Variants in GCGR observed in about 807,000 individuals in gnomAD.
The protein encoded by GCGR is glucagon receptor.
Under a neutral mutation model 56.1 loss-of-function variants are expected in GCGR, and 41 were observed. The observed-to-expected ratio is 0.73, with a 90% CI of 0.57 to 0.95. The LOEUF (loss-of-function observed/expected upper bound fraction) is 0.95. Among genes scored for constraint, GCGR ranks in the 40% least tolerant of loss-of-function variants. The pLI is 0.00. For missense variants in GCGR, 595 were observed against 638.2 expected (o/e 0.93, Z 0.73); for synonymous variants, 278 against 271.1 (o/e 1.03, Z -0.25).
At chr17:81,809,931 C>T (rs1471379342) in intron 3 of GCGR, 47 bp downstream of exon 3, 1 of 1,365,052 alleles carries the variant, frequency 7.3e-7, no homozygotes, top group Admixed American at 2.0e-5. Flanking sequence ...GGCCTCAGCA[C>T]TTCCTGAGTT....
chr17:81,809,759 T>C (rs1317126238), intron 2 of GCGR, 23 bp from the exon 3 acceptor site: 5 of 1,436,720 alleles, frequency 3.5e-6, no homozygotes, highest in South Asian at 2.4e-5. Context: ...GTCTGTCTGG[T>C]TGCTTGTGCA....
chr17:81,807,533 G>A (rs920735881), intron 1 of GCGR, among the ~76,000 whole-genome samples: 10 of 152,246 alleles, frequency 6.6e-5, no homozygotes, highest in African/African-American at 1.2e-4. Context: ...AGGCCTGCCC[G>A]GAAACCCTCT....
In GCGR at chr17:81,804,555, G is replaced by A. The variant is rs1022932112; in HGVS notation, c.-178+306G>A. On this transcript the variant is annotated intron_variant, in intron 1 of 13. Transcript: ENST00000400723. This position sits in a 1 kb window ranked among gnomAD's most constrained non-coding sequence, Gnocchi z 8.2. ...GCTGGCCGCCTGGCGCCCTGCGGCG[G>A]CCACACTGCAGCGGCCACACTCCCC... 6.6e-6 allele frequency among the ~76,000 whole-genome samples: 1 copy of A among 151,734 alleles called. No individual in the cohort carries two copies. Among genetic ancestry groups the A allele is most frequent in the African/African-American group, 2.4e-5 (1 of 41,332 alleles).
chr17:81,806,208 A>G lies in GCGR; in HGVS notation c.-178+1959A>G, dbSNP rs1308016734. On this transcript the variant is annotated intron_variant, in intron 1 of 13. Transcript: ENST00000400723. The surrounding 1 kb of genome is among the most constrained non-coding windows in gnomAD (Gnocchi z 6.5). Reference sequence around the variant, plus strand: ...GTGAGGAGCTGGAGTCTCCCTACCCATATGGGACCCACCACCCGCAGGGAA... The same window carrying G: ...GTGAGGAGCTGGAGTCTCCCTACCCGTATGGGACCCACCACCCGCAGGGAA... 6.6e-6 allele frequency among the ~76,000 whole-genome samples: 1 copy of G among 151,676 alleles called. No homozygotes were observed. The highest frequency in any genetic ancestry group is 1.5e-5 in the Non-Finnish European group (1 of 67,860).
chr17:81,810,431 T>C lies in GCGR; in HGVS notation c.164-394T>C, dbSNP rs2038068980. ...GATGTGGCAGCCACAGGTTTGGCGA[T>C]GCACCTGGGAAGGATGAAAATGGCA... On this transcript the variant is annotated intron_variant, in intron 3 of 13. Transcript: ENST00000400723. This position sits in a 1 kb window ranked among gnomAD's most constrained non-coding sequence, Gnocchi z 4.6. The C allele has an allele frequency of 1.7e-5, 6 of 347,824 alleles. No individual in the cohort carries two copies. The highest frequency in any genetic ancestry group is 1.4e-4 in the South Asian group (5 of 35,454). 21.5% of individuals were successfully genotyped at this position (347,824 alleles called of 1,614,324 possible).
intron 2 of GCGR, 72 bp from the exon 3 acceptor site, chr17:81,809,710 C>T (rs2038052490): frequency 1.7e-6 from 2 of 1,199,922 alleles, no homozygotes; most frequent in South Asian, 1.3e-5. Context: ...TGCCTGTCTG[C>T]CTGTCTGTCT....
At chr17:81,809,680 T>TGCC in intron 2 of GCGR, 102 bp from the exon 3 acceptor site, 1 of 840,324 alleles carries the variant, frequency 1.2e-6, no homozygotes, top group Non-Finnish European at 1.9e-6. Flanking sequence ...TCTGTCCATC[T>TGCC]GCCTATCCAT....
rs1409533763 is a variant in GCGR, at chr17:81,813,935, C to T, written c.*246C>T. 1.8e-6 allele frequency: 1 copy of T among 563,882 alleles called. No individual in the cohort carries two copies. Among genetic ancestry groups the T allele is most frequent in the African/African-American group, 1.9e-5 (1 of 53,338 alleles). 34.9% of individuals were successfully genotyped at this position (563,882 alleles called of 1,614,324 possible). A position where few individuals can be genotyped will look rare whatever the true frequency, so the allele number is the denominator to read the frequency against. On this transcript the variant is annotated 3_prime_UTR_variant, in exon 14 of 14. Coordinates refer to ENST00000400723, the MANE Select transcript of GCGR (RefSeq NM_000160.5). The surrounding 1 kb of genome is among the most constrained non-coding windows in gnomAD (Gnocchi z 5.3). ...GGGGGCTGTGCCGTGAACTGCGTGC[C>T]AGTGTCCCCACGTATGTCGGCACGT...
chr17:81,808,122 CCT>C (rs1466679794), intron 1 of GCGR, among the ~76,000 whole-genome samples: 5 of 152,258 alleles, frequency 3.3e-5, no homozygotes, highest in East Asian at 3.8e-4. Context: ...GACACAGACC[CCT>C]GAGTGTGGGC....
At position 81,811,208 on chromosome 17, in the gene GCGR, A is replaced by T; in HGVS notation, c.394-14A>T. The T allele has an allele frequency of 6.5e-7, 1 of 1,536,146 alleles. No individual in the cohort carries two copies. Among genetic ancestry groups the T allele is most frequent in the Non-Finnish European group, 8.7e-7 (1 of 1,146,790 alleles). ...GGCCCCTGCCTGGCCCTCACAGGCCACTGTAACTCGCAGAAGGAGGTGGCC... is the reference window on the plus strand; with the variant it reads ...GGCCCCTGCCTGGCCCTCACAGGCCTCTGTAACTCGCAGAAGGAGGTGGCC... On this transcript the variant is annotated splice_polypyrimidine_tract_variant and intron_variant, in intron 5 of 13. Coordinates refer to ENST00000400723, the MANE Select transcript of GCGR (RefSeq NM_000160.5). This position sits in a 1 kb window ranked among gnomAD's most constrained non-coding sequence, Gnocchi z 5.8.
At position 81,813,570 on chromosome 17, in the gene GCGR, C is replaced by T; in HGVS notation, c.1315C>T (p.Pro439Ser). ...NTSNHRASSS[P>S]GHGPPSKELQ... ...CAGCAACCACAGGGCCTCATCTTCG[C>T]CCGGCCACGGCCCTCCCAGCAAGGA... The change falls in exon 14 of 14, where the codon CCC becomes TCC. Residue 439 changes from proline (P) to serine (S), a missense_variant. By Grantham distance (74) the Pro-to-Ser change is moderately conservative (BLOSUM62 -1). Transcript: ENST00000400723. The surrounding 1 kb of genome is among the most constrained non-coding windows in gnomAD (Gnocchi z 5.3). 1 of 1,536,462 alleles carries T rather than the reference C, an allele frequency of 6.5e-7. No homozygotes were observed. The highest frequency in any genetic ancestry group is 8.7e-7 in the Non-Finnish European group (1 of 1,146,846).
At position 81,813,989 on chromosome 17, in the gene GCGR, A is replaced by C; in HGVS notation, c.*300A>C. 2.3e-6 allele frequency: 1 copy of C among 435,352 alleles called. No homozygotes were observed. Among genetic ancestry groups the C allele is most frequent in the Non-Finnish European group, 4.2e-6 (1 of 237,770 alleles). 27.0% of individuals were successfully genotyped at this position (435,352 alleles called of 1,614,324 possible). A position where few individuals can be genotyped will look rare whatever the true frequency, so the allele number is the denominator to read the frequency against. On this transcript the variant is annotated 3_prime_UTR_variant, in exon 14 of 14. Transcript: ENST00000400723. This position sits in a 1 kb window ranked among gnomAD's most constrained non-coding sequence, Gnocchi z 5.3. ...ATGTGCATGGAAATGTCCTCCAACAATAAAGAGCTCAAGTGGTCACCGTGC... is the reference window on the plus strand; with the variant it reads ...ATGTGCATGGAAATGTCCTCCAACACTAAAGAGCTCAAGTGGTCACCGTGC...
chr17:81,810,599 G>A lies in GCGR; in HGVS notation c.164-226G>A, dbSNP rs1404323158. On this transcript the variant is annotated intron_variant, in intron 3 of 13. Coordinates refer to ENST00000400723, the MANE Select transcript of GCGR (RefSeq NM_000160.5). The surrounding 1 kb of genome is among the most constrained non-coding windows in gnomAD (Gnocchi z 4.6). ...GAGCTGCAATTCAGGGCTGGGCTGGGCGTGCTAGCGGAGGCTGGTCCAGGG... is the reference window on the plus strand; with the variant it reads ...GAGCTGCAATTCAGGGCTGGGCTGGACGTGCTAGCGGAGGCTGGTCCAGGG... Among the ~76,000 whole-genome samples the A allele has an allele frequency of 2.0e-5, 3 of 152,108 alleles. No individual in the cohort carries two copies. Among genetic ancestry groups the A allele is most frequent in the African/African-American group, 7.2e-5 (3 of 41,418 alleles).
chr17:81,813,403 C>A lies in GCGR; in HGVS notation c.1219-71C>A. The A allele has an allele frequency of 7.1e-7, 1 of 1,411,246 alleles. No individual in the cohort carries two copies. Among genetic ancestry groups the A allele is most frequent in the Admixed American group, 2.0e-5 (1 of 48,912 alleles). The allele number at this position is 1,411,246 out of a possible 1,614,324, so 87.4% of individuals were successfully genotyped here. A position where few individuals can be genotyped will look rare whatever the true frequency, so the allele number is the denominator to read the frequency against. ...GAGACTGGGCATCTCCGATGAGGCC[C>A]ACAGCAGGTCCCGGTGGGGTGGAGA... is the stretch of plus-strand genomic sequence containing the variant. On this transcript the variant is annotated intron_variant, in intron 13 of 13. Transcript: ENST00000400723. The surrounding 1 kb of genome is among the most constrained non-coding windows in gnomAD (Gnocchi z 5.3).
Position 81,813,664 on chromosome 17 carries a change from C to A in GCGR, c.1409C>A (p.Pro470His), listed in dbSNP as rs2143150279. Reference sequence around the variant, plus strand: ...GAGACCCCCTTGGCTGGTGGCCTCCCTAGATTGGCTGAGAGCCCCTTCTGA... The same window carrying A: ...GAGACCCCCTTGGCTGGTGGCCTCCATAGATTGGCTGAGAGCCCCTTCTGA... ...SAETPLAGGL[P>H]RLAESPF The change falls in exon 14 of 14, where the codon CCT becomes CAT. Residue 470 changes from proline to histidine, a missense_variant. Pro to His is a moderately conservative substitution (Grantham distance 77, BLOSUM62 -2). Transcript: ENST00000400723. This position sits in a 1 kb window ranked among gnomAD's most constrained non-coding sequence, Gnocchi z 5.3. 1 of 1,535,670 alleles carries A rather than the reference C, an allele frequency of 6.5e-7. No individual in the cohort carries two copies. The highest frequency in any genetic ancestry group is 1.2e-5 in the South Asian group (1 of 84,028).
chr17:81,811,016 A>C lies in GCGR; in HGVS notation c.278A>C (p.His93Pro), dbSNP rs1164994335. The change falls in exon 5 of 14, where the codon CAC (histidine) becomes CCC (proline). Residue 93 changes from histidine (H) to proline (P), a missense_variant. Coordinates refer to ENST00000400723, the MANE Select transcript of GCGR (RefSeq NM_000160.5). The surrounding 1 kb of genome is among the most constrained non-coding windows in gnomAD (Gnocchi z 5.8). ...CCTCCCCCCACACCCCCAGTGCAACACCGCTTCGTGTTCAAGAGATGCGGG... is the reference window on the plus strand; with the variant it reads ...CCTCCCCCCACACCCCCAGTGCAACCCCGCTTCGTGTTCAAGAGATGCGGG... ...WYLPWHHKVQ[H>P]RFVFKRCGPD... 6.5e-7 allele frequency: 1 copy of C among 1,535,760 alleles called. No individual in the cohort carries two copies. Among genetic ancestry groups the C allele is most frequent in the Non-Finnish European group, 8.7e-7 (1 of 1,146,780 alleles).
rs2037899977 is a variant in GCGR at position 81,804,335 on chromosome 17, G to T, written c.-178+86G>T. Reference sequence around the variant, plus strand: ...ACCGCGGGGCGGGCGCGGCGGGGCCGGGGGCGCGGGGAGCGGGGAGCCGGC... The same window carrying T: ...ACCGCGGGGCGGGCGCGGCGGGGCCTGGGGCGCGGGGAGCGGGGAGCCGGC... On this transcript the variant is annotated intron_variant, in intron 1 of 13. Transcript: ENST00000400723. This position sits in a 1 kb window ranked among gnomAD's most constrained non-coding sequence, Gnocchi z 8.2. 6.6e-6 allele frequency: 1 copy of T among 152,060 alleles called. No homozygotes were observed. The highest frequency in any genetic ancestry group is 1.8e-4 in the South Asian group (1 of 5,544). 9.4% of individuals were successfully genotyped at this position (152,060 alleles called of 1,614,324 possible).
rs2038133514 is a variant in GCGR at position 81,812,916 on chromosome 17, T to C, written c.1147T>C (p.Phe383Leu). 3 of 1,536,052 alleles carry C rather than the reference T, an allele frequency of 2.0e-6. No homozygotes were observed. The Admixed American group carries it at 5.9e-5, about 30-fold the overall frequency. Residue 383 changes from phenylalanine to leucine, a missense_variant, in exon 12 of 14, where the codon TTC becomes CTC. Coordinates refer to ENST00000400723, the MANE Select transcript of GCGR (RefSeq NM_000160.5). The surrounding 1 kb of genome is among the most constrained non-coding windows in gnomAD (Gnocchi z 8.5). ...AQGTLRSAKLFFDLFLSSFQG... is the reference protein window; with the variant it reads ...AQGTLRSAKLLFDLFLSSFQG... ...GGGCACCCTGCGCTCCGCCAAGCTC[T>C]TCTTCGACCTCTTCCTCAGCTCCTT... is the stretch of plus-strand genomic sequence containing the variant.
Position 81,809,233 on chromosome 17 carries a change from CGTCT to C in GCGR, c.60+163_60+166del, listed in dbSNP as rs528711088. ...CCATCTGCCTGTCTGTCTGCCTGTCCGTCTGTCTGTCCATCTGTCCATCTGCCTA... is the reference window on the plus strand; with the variant it reads ...CCATCTGCCTGTCTGTCTGCCTGTCCGTCTGTCCATCTGTCCATCTGCCTA... On this transcript the variant is annotated intron_variant, in intron 2 of 13. Coordinates refer to ENST00000400723, the MANE Select transcript of GCGR (RefSeq NM_000160.5). Among the ~76,000 whole-genome samples, 1,037 of 125,838 alleles carry C rather than the reference CGTCT, an allele frequency of 8.2e-3. 8 individuals are homozygous for C. Among genetic ancestry groups the C allele is most frequent in the Non-Finnish European group, 0.012 (743 of 59,466 alleles). The allele number at this position is 125,838 out of a possible 152,430, so 82.6% of individuals were successfully genotyped here.
Sources: gnomAD v4.1 joint callset for allele counts (sites outside exome capture counted in the v4.1 genomes callset) on GRCh38, gnomAD v4.1.1 for gene constraint, Gnocchi (gnomAD v3.1) non-coding constraint, MANE v1.5 for transcripts, NCBI Gene and HGNC (gene_info 2026-07-23, HGNC 2026-07-21) for gene names.